STMN4: variants seen among roughly 807,000 people sequenced by gnomAD.
STMN4 encodes the protein stathmin 4.
Under a neutral mutation model 29.1 loss-of-function variants are expected in STMN4, and 12 were observed. The ratio of observed to expected loss-of-function variants is 0.41; its 90% CI spans 0.26 to 0.67. The LOEUF is 0.67. Ranked by LOEUF, STMN4 falls within the 30% of genes least tolerant of loss-of-function variation. The pLI, the probability that STMN4 is intolerant of heterozygous loss-of-function variation, is 0.30. For synonymous variants in STMN4, 114 were observed against 105.3 expected (o/e 1.08, Z -0.51); for missense variants, 181 against 262.8 (o/e 0.69, Z 2.15).
chr8:27,239,415 C>T (rs1332466118), intron 6 of STMN4: 12 of 933,210 alleles, frequency 1.3e-5, no homozygotes, highest in African/African-American at 1.0e-4. Flanking sequence ...GAACCAACCC[C>T]GGCCTCATGT....
In STMN4 at chr8:27,235,796, T is replaced by G. The variant is rs1228240630; in HGVS notation, c.*1050A>C. 10 of 152,298 alleles carry G rather than the reference T, an allele frequency of 6.6e-5. No homozygotes were observed. Among genetic ancestry groups the G allele is most frequent in the African/African-American group, 2.4e-4 (10 of 41,444 alleles). The allele number at this position is 152,298 out of a possible 1,614,324, so 9.4% of individuals were successfully genotyped here. A position where few individuals can be genotyped will look rare whatever the true frequency, so the allele number is the denominator to read the frequency against. ...GCCCTTCCCTTCTGCCATGTGAGGA[T>G]GCAGCAAAAAGGCATCATCTTTGAA... is the stretch of plus-strand genomic sequence containing the variant. On this transcript the variant is annotated 3_prime_UTR_variant, in exon 7 of 7. Coordinates refer to ENST00000350889, the MANE Select transcript of STMN4 (RefSeq NM_030795.4).
chr8:27,258,118 C>A (rs372159716), intron 1 of STMN4, among the ~76,000 whole-genome samples: 4 of 152,154 alleles, frequency 2.6e-5, no homozygotes, highest in African/African-American at 7.2e-5. Flanking sequence ...TCCTGCCTCT[C>A]CTGAGCTCTG....
chr8:27,236,328 C>G lies in STMN4; in HGVS notation c.*518G>C, dbSNP rs1209744334. ...TCAATGTTTCATTGGTCATGATGATCAAAAAATGATGGTTCACACACACAC... is the reference window on the plus strand; with the variant it reads ...TCAATGTTTCATTGGTCATGATGATGAAAAAATGATGGTTCACACACACAC... On this transcript the variant is annotated 3_prime_UTR_variant, in exon 7 of 7. Transcript: ENST00000350889. 1 of 152,286 alleles carries G rather than the reference C, an allele frequency of 6.6e-6. No homozygotes were observed. The highest frequency in any genetic ancestry group is 1.5e-5 in the Non-Finnish European group (1 of 68,084). 9.4% of individuals were successfully genotyped at this position (152,286 alleles called of 1,614,324 possible).
intron 2 of STMN4, among the ~76,000 whole-genome samples, chr8:27,243,237 T>C (rs1351537047): frequency 6.6e-6 from 1 of 152,122 alleles, no homozygotes; most frequent in African/African-American, 2.4e-5. Context: ...CATCCTCATT[T>C]GCTTGTACAA....
chr8:27,239,907 A>C, intron 6 of STMN4, 64 bp downstream of exon 6: 1 of 1,612,966 alleles, frequency 6.2e-7, no homozygotes, highest in Non-Finnish European at 8.5e-7. Context: ...AGGTCCCCGC[A>C]TACTTGCTGC....
At chr8:27,243,655 T>G in intron 2 of STMN4, 56 bp downstream of exon 2, 1 of 1,563,478 alleles carries the variant, frequency 6.4e-7, no homozygotes, top group Non-Finnish European at 8.8e-7. Flanking sequence ...GAGTCCATGT[T>G]GGGTGAGGGC....
At position 27,235,806 on chromosome 8, in the gene STMN4, A is replaced by C. The variant is rs539521052; in HGVS notation, c.*1040T>G. On this transcript the variant is annotated 3_prime_UTR_variant, in exon 7 of 7. Coordinates refer to ENST00000350889, the MANE Select transcript of STMN4 (RefSeq NM_030795.4). ...TCTGCCATGTGAGGATGCAGCAAAA[A>C]GGCATCATCTTTGAAGCAGATGGCA... is the stretch of plus-strand genomic sequence containing the variant. 2.0e-5 allele frequency: 3 copies of C among 152,412 alleles called. No homozygotes were observed. The highest frequency in any genetic ancestry group is 2.9e-5 in the Non-Finnish European group (2 of 68,090). 9.4% of individuals were successfully genotyped at this position (152,412 alleles called of 1,614,324 possible).
At chr8:27,252,466 T>C (rs1248661580) in intron 1 of STMN4, among the ~76,000 whole-genome samples, 1 of 152,128 alleles carries the variant, frequency 6.6e-6, no homozygotes, top group Non-Finnish European at 1.5e-5. Flanking sequence ...AAAAAAATTT[T>C]TTAAGGTAGA....
chr8:27,244,725 G>A (rs895471872), intron 1 of STMN4, among the ~76,000 whole-genome samples: 32 of 152,084 alleles, frequency 2.1e-4, no homozygotes, highest in African/African-American at 6.8e-4. Context: ...GCTAGTTGAC[G>A]CTAGATCAGA....
At chr8:27,255,316 C>T (rs984282046) in intron 1 of STMN4, among the ~76,000 whole-genome samples, 1 of 152,158 alleles carries the variant, frequency 6.6e-6, no homozygotes, top group Non-Finnish European at 1.5e-5. Flanking sequence ...TCTATCTCTC[C>T]TCCCACAAAA....
At position 27,239,860 on chromosome 8, in the gene STMN4, T is replaced by C. The variant is rs112282492; in HGVS notation, c.591+111A>G. Reference sequence around the variant, plus strand: ...TCCTGCCTAAGAAAAAGATCCTGATTTTTGCCTGAGGCTGCTTCCTCCCTG... The same window carrying C: ...TCCTGCCTAAGAAAAAGATCCTGATCTTTGCCTGAGGCTGCTTCCTCCCTG... On this transcript the variant is annotated intron_variant, in intron 6 of 6. Transcript: ENST00000350889. 1.1e-4 allele frequency: 180 copies of C among 1,575,316 alleles called. 1 individual carries two copies. The African/African-American group carries it at 2.0e-3, about 17-fold the overall frequency.
At chr8:27,250,520 G>T (rs559695338) in intron 1 of STMN4, among the ~76,000 whole-genome samples, 4 of 152,296 alleles carry the variant, frequency 2.6e-5, no homozygotes, top group African/African-American at 9.6e-5. Context: ...GCCTCAGCAT[G>T]GTCTTCCGCG....
intron 3 of STMN4, 184 bp downstream of exon 3, chr8:27,242,213 T>A (rs779658675): frequency 1.6e-6 from 1 of 629,520 alleles, no homozygotes; most frequent in African/African-American, 1.8e-5. Flanking sequence ...GGCCTCCCCC[T>A]AGTGCCCAGG....
chr8:27,240,091 G>A lies in STMN4; in HGVS notation c.471C>T (p.Ala157=), dbSNP rs768234555. The change falls in exon 6 of 7, where the codon GCC becomes GCT. Residue 157 remains alanine, a synonymous_variant. Transcript: ENST00000350889. The part of the protein sequence containing the change: ...REHEREVIQK[A]IEENNNFIKM... ...TGATGAAGTTGTTGTTTTCCTCAATGGCCTTTTGGATCACCTCTCTCTCAT... is the reference window on the plus strand; with the variant it reads ...TGATGAAGTTGTTGTTTTCCTCAATAGCCTTTTGGATCACCTCTCTCTCAT... The A allele has an allele frequency of 6.2e-7, 1 of 1,614,168 alleles. No homozygotes were observed. The highest frequency in any genetic ancestry group is 1.7e-5 in the Admixed American group (1 of 60,032).
intron 6 of STMN4, among the ~76,000 whole-genome samples, chr8:27,238,580 T>C (rs1332526529): frequency 6.6e-6 from 1 of 152,228 alleles, no homozygotes; most frequent in African/African-American, 2.4e-5. Flanking sequence ...GAGCCCTAAG[T>C]TCTGCACTCC....
At chr8:27,255,188 T>C (rs1801906208) in intron 1 of STMN4, among the ~76,000 whole-genome samples, 1 of 152,220 alleles carries the variant, frequency 6.6e-6, no homozygotes, top group Admixed American at 6.5e-5. Context: ...GCTAATTTAA[T>C]AAGCAAATCG....
At position 27,241,045 on chromosome 8, in the gene STMN4, A is replaced by G. The variant is rs751643305; in HGVS notation, c.399+9T>C. 6.2e-7 allele frequency: 1 copy of G among 1,610,092 alleles called. No homozygotes were observed. Among genetic ancestry groups the G allele is most frequent in the Admixed American group, 1.7e-5 (1 of 59,712 alleles). On this transcript the variant is annotated intron_variant, in intron 5 of 6. Transcript: ENST00000350889. ...GAGAGGGAGGAAAGAAGGAAGGGTC[A>G]GCATTTACCTTCCTTCGCTCCTCAG...
intron 1 of STMN4, among the ~76,000 whole-genome samples, chr8:27,245,844 T>C (rs1419816215): frequency 1.3e-5 from 2 of 152,194 alleles, no homozygotes; most frequent in African/African-American, 4.8e-5. Flanking sequence ...CTAGAAATGA[T>C]GATAGGACCC....
chr8:27,241,727 T>A lies in STMN4; in HGVS notation c.140A>T (p.Asp47Val), dbSNP rs763675285. 15 of 1,614,168 alleles carry A rather than the reference T, an allele frequency of 9.3e-6. No homozygotes were observed. The highest frequency in any genetic ancestry group is 1.3e-5 in the Non-Finnish European group (15 of 1,180,024). Reference sequence around the variant, plus strand: ...AGCACTGTCTTTCCGCTGGCTTTCATCCTTCCTCCTACACTGTCTCCCACA... The same window carrying A: ...AGCACTGTCTTTCCGCTGGCTTTCAACCTTCCTCCTACACTGTCTCCCACA... ...GWCGRQCRRK[D>V]ESQRKDSADW... Residue 47 changes from aspartate to valine, a missense_variant, in exon 4 of 7, where the codon GAT (aspartate) becomes GTT (valine). Physicochemically the swap from Asp to Val is radical, Grantham distance 152. Transcript: ENST00000350889.
Sources: gnomAD v4.1 joint callset for allele counts (sites outside exome capture counted in the v4.1 genomes callset) on GRCh38, gnomAD v4.1.1 for gene constraint, MANE v1.5 for transcripts, NCBI Gene and HGNC (gene_info 2026-07-23, HGNC 2026-07-21) for gene names.